The following GPC5 variants were observed in gnomAD, a reference collection of about 807,000 sequenced individuals.
GPC5 encodes glypican-5.
Under a neutral mutation model 53.9 loss-of-function variants are expected in GPC5, and 47 were observed. The ratio of observed to expected loss-of-function variants is 0.87; its 90% CI spans 0.69 to 1.11. The LOEUF (loss-of-function observed/expected upper bound fraction) is 1.11. GPC5 is among the 50% of genes most tolerant of loss of function. The pLI is 0.00. For synonymous variants in GPC5, 286 were observed against 263.3 expected, an observed-to-expected ratio of 1.09 and a Z score of -0.84; for missense variants, 748 against 713.1, an observed-to-expected ratio of 1.05 and a Z score of -0.56.
chr13:92,426,055 C>G (rs1327274488), intron 7 of GPC5, among the ~76,000 whole-genome samples: 1 of 152,002 alleles, frequency 6.6e-6, no homozygotes, highest in Non-Finnish European at 1.5e-5. Flanking sequence ...AATACAACAC[C>G]GAACACTGAA....
At chr13:92,376,759 T>G (rs1444042275) in intron 7 of GPC5, among the ~76,000 whole-genome samples, 11 of 152,096 alleles carry the variant, frequency 7.2e-5, no homozygotes, top group Non-Finnish European at 1.6e-4. Context: ...CTCACGCCTG[T>G]AATCCCAGCA....
At chr13:92,752,198 G>C (rs1889421531) in intron 7 of GPC5, among the ~76,000 whole-genome samples, 1 of 152,016 alleles carries the variant, frequency 6.6e-6, no homozygotes. Context: ...CCTGTGCTTT[G>C]CAGGAAGTTT....
At chr13:91,513,933 C>T (rs1330563822) in intron 2 of GPC5, among the ~76,000 whole-genome samples, 1 of 152,166 alleles carries the variant, frequency 6.6e-6, no homozygotes, top group East Asian at 1.9e-4. Context: ...AAAATCCACT[C>T]AGCATAATTC....
chr13:92,279,613 TA>T (rs367915162), intron 7 of GPC5, among the ~76,000 whole-genome samples: 34 of 151,476 alleles, frequency 2.2e-4, no homozygotes, highest in African/African-American at 5.8e-4. Context: ...GGTATTTTTT[TA>T]TTATTATTAT....
rs766104348 is a variant in GPC5 at position 91,693,676 on chromosome 13, G to A, written c.815G>A (p.Gly272Glu). The A allele has an allele frequency of 6.2e-7, 1 of 1,614,100 alleles. No individual in the cohort carries two copies. Residue 272 changes from glycine to glutamate, a missense_variant, in exon 3 of 8, where the codon GGA (glycine) becomes GAA (glutamate). Physicochemically the swap from Gly to Glu is moderately conservative, Grantham distance 98 (BLOSUM62 -2). Coordinates refer to ENST00000377067, the MANE Select transcript of GPC5 (RefSeq NM_004466.6). Reference protein sequence around the residue: ...QGLALTKPCMGYCLNVMRGCL... With the variant: ...QGLALTKPCMEYCLNVMRGCL... The stretch of plus-strand genomic sequence containing the variant: ...CTGGCGCTCACTAAGCCTTGTATGG[G>A]ATACTGCCTCAATGTCATGCGAGGC...
intron 2 of GPC5, among the ~76,000 whole-genome samples, chr13:91,464,774 CA>C (rs1203361271): frequency 2.0e-5 from 3 of 151,966 alleles, no homozygotes; most frequent in African/African-American, 7.2e-5. Context: ...GTGATGGTTA[CA>C]TGAAGCTACA....
chr13:91,850,032 A>C (rs2038895820), intron 5 of GPC5, among the ~76,000 whole-genome samples: 1 of 152,162 alleles, frequency 6.6e-6, no homozygotes, highest in African/African-American at 2.4e-5. Context: ...ACTGGCACTT[A>C]ATTATAATCT....
intron 5 of GPC5, among the ~76,000 whole-genome samples, chr13:91,797,573 G>T (rs2038066383): frequency 6.6e-6 from 1 of 152,094 alleles, no homozygotes; most frequent in African/African-American, 2.4e-5. Flanking sequence ...TTAGTAAAAA[G>T]ATATTTAACG....
At chr13:92,706,532 T>G (rs974207417) in intron 7 of GPC5, among the ~76,000 whole-genome samples, 2 of 152,080 alleles carry the variant, frequency 1.3e-5, no homozygotes, top group African/African-American at 4.8e-5. Context: ...ACAGTTAGAT[T>G]CTACTTTGTC....
intron 7 of GPC5, among the ~76,000 whole-genome samples, chr13:92,485,059 A>G (rs1879503978): frequency 6.6e-6 from 1 of 152,076 alleles, no homozygotes; most frequent in Non-Finnish European, 1.5e-5. Context: ...TGAAGGAAAG[A>G]TGCAGCCAAG....
chr13:91,956,552 C>CA (rs2139068036), intron 6 of GPC5, among the ~76,000 whole-genome samples: 1 of 152,300 alleles, frequency 6.6e-6, no homozygotes, highest in Admixed American at 6.5e-5. Flanking sequence ...AAACTGTATA[C>CA]ACCATCCTGG....
chr13:91,802,724 CT>C (rs2038156085), intron 5 of GPC5, among the ~76,000 whole-genome samples: 1 of 152,088 alleles, frequency 6.6e-6, no homozygotes, highest in Admixed American at 6.6e-5. Flanking sequence ...CCAGCTTCAC[CT>C]TTCACTAGCA....
chr13:92,505,323 C>T (rs1447278100), intron 7 of GPC5, among the ~76,000 whole-genome samples: 1 of 151,616 alleles, frequency 6.6e-6, no homozygotes, highest in African/African-American at 2.4e-5. Flanking sequence ...AGATGTTTCA[C>T]GAAAGAAGAC....
chr13:92,763,407 G>T (rs140913774), intron 7 of GPC5, among the ~76,000 whole-genome samples: 1 of 152,154 alleles, frequency 6.6e-6, no homozygotes, highest in Non-Finnish European at 1.5e-5. Context: ...GGTGGCCTAC[G>T]CTGCAGAAGT....
At chr13:92,001,174 C>T (rs1030418982) in intron 6 of GPC5, among the ~76,000 whole-genome samples, 2 of 152,168 alleles carry the variant, frequency 1.3e-5, no homozygotes, top group African/African-American at 4.8e-5. Flanking sequence ...GTTGTTAGTA[C>T]TATTTTGTGA....
At position 91,985,196 on chromosome 13, in the gene GPC5, G is replaced by A. The variant is rs77022822; in HGVS notation, c.1401+77139G>A. ...TTTTTGTTAAACTGCCCCTTTTATC[G>A]TTGTAAAGAGGCCAGTTTATTCTTG... is the stretch of plus-strand genomic sequence containing the variant. On this transcript the variant is annotated intron_variant, in intron 6 of 7. Transcript: ENST00000377067. Among the ~76,000 whole-genome samples, 18 of 151,918 alleles carry A rather than the reference G, an allele frequency of 1.2e-4. 1 individual carries two copies. Among genetic ancestry groups the A allele is most frequent in the African/African-American group, 3.1e-4 (13 of 41,358 alleles).
intron 7 of GPC5, among the ~76,000 whole-genome samples, chr13:92,568,964 A>T (rs1487281869): frequency 1.3e-5 from 2 of 151,632 alleles, no homozygotes; most frequent in Admixed American, 1.3e-4. Flanking sequence ...TTTAGGGTAC[A>T]TGTGCACAAT....
chr13:92,807,518 C>T lies in GPC5; in HGVS notation c.1562-58764C>T, dbSNP rs116772962. Among the ~76,000 whole-genome samples the T allele has an allele frequency of 3.0e-3, 452 of 152,118 alleles. 3 individuals carry two copies. The highest frequency in any genetic ancestry group is 0.01 in the African/African-American group (417 of 41,542). On this transcript the variant is annotated intron_variant, in intron 7 of 7. Coordinates refer to ENST00000377067, the MANE Select transcript of GPC5 (RefSeq NM_004466.6). Reference sequence around the variant, plus strand: ...AGGCAAGATTCCTTGCATTATTCTTCTGGTATTTGTTGGCTGCTTATCATT... The same window carrying T: ...AGGCAAGATTCCTTGCATTATTCTTTTGGTATTTGTTGGCTGCTTATCATT...
Position 91,540,560 on chromosome 13 carries a change from A to G in GPC5, c.325+91638A>G, listed in dbSNP as rs570542102. 7.9e-5 allele frequency among the ~76,000 whole-genome samples: 12 copies of G among 152,342 alleles called. No homozygotes were observed. In the East Asian group the frequency reaches 1.9e-3, roughly 24 times the overall value. On this transcript the variant is annotated intron_variant, in intron 2 of 7. Transcript: ENST00000377067. ...ATTGTGGTGATGGTTACAACACTGC[A>G]GACATTAAAAGCCTTTGGATTGCAC...
Sources: allele counts gnomAD v4.1 joint callset (sites outside exome capture counted in the v4.1 genomes callset), GRCh38; gene constraint gnomAD v4.1.1; transcripts MANE v1.5; gene names NCBI Gene and HGNC (gene_info 2026-07-23, HGNC 2026-07-21).